The following RGS7 variants were observed in gnomAD, a reference collection of about 807,000 sequenced individuals.
The protein encoded by RGS7 is regulator of G-protein signaling 7.
In RGS7, 27 loss-of-function variants were observed where a neutral mutation model predicts 81.1. The ratio of observed to expected loss-of-function variants is 0.33; its 90% CI spans 0.25 to 0.46. The LOEUF (loss-of-function observed/expected upper bound fraction) is 0.46, where lower values mean the gene tolerates loss of function less well. Ranked by LOEUF, RGS7 falls within the 20% of genes least tolerant of loss-of-function variation. The pLI is 1.00. For synonymous variants in RGS7, 208 were observed against 207.7 expected, an observed-to-expected ratio of 1.00 and a Z score of -0.01; for missense variants, 396 against 607.4, an observed-to-expected ratio of 0.65 and a Z score of 3.66.
chr1:240,948,841 A>AT (rs1239093427), intron 4 of RGS7, among the ~76,000 whole-genome samples: 3 of 149,600 alleles, frequency 2.0e-5, no homozygotes, highest in Non-Finnish European at 4.4e-5. Flanking sequence ...TATAACATAC[A>AT]TATATATTAT....
intron 11 of RGS7, among the ~76,000 whole-genome samples, 170 bp downstream of exon 11, chr1:240,816,147 A>C (rs1216181957): frequency 1.3e-5 from 2 of 152,234 alleles, no homozygotes; most frequent in African/African-American, 4.8e-5. Context: ...TCAAGTAATT[A>C]CAATACTTAA....
intron 2 of RGS7, among the ~76,000 whole-genome samples, chr1:241,248,365 T>C (rs1038801284): frequency 5.4e-5 from 8 of 147,880 alleles, no homozygotes; most frequent in Admixed American, 4.1e-4. Flanking sequence ...TATATATATA[T>C]ACGTATATAT....
chr1:241,248,531 A>G (rs1306665326), intron 2 of RGS7, among the ~76,000 whole-genome samples: 1 of 151,674 alleles, frequency 6.6e-6, no homozygotes, highest in Non-Finnish European at 1.5e-5. Context: ...CTTTTTTAAT[A>G]TTTGGCATCT....
At chr1:240,920,299 G>T (rs1193615579) in intron 6 of RGS7, 12 of 1,394,254 alleles carry the variant, frequency 8.6e-6, no homozygotes, top group Non-Finnish European at 1.2e-5. Context: ...GACAACTTTG[G>T]TCGTGGAGGA....
chr1:240,994,618 G>A (rs1686994866), intron 3 of RGS7, among the ~76,000 whole-genome samples: 1 of 152,010 alleles, frequency 6.6e-6, no homozygotes, highest in African/African-American at 2.4e-5. Context: ...GCAAAGAGGG[G>A]AAGCTTTAAT....
intron 3 of RGS7, among the ~76,000 whole-genome samples, chr1:241,033,600 CT>C (rs995209472): frequency 6.6e-6 from 1 of 151,446 alleles, no homozygotes; most frequent in African/African-American, 2.4e-5. Flanking sequence ...CTTTACTATT[CT>C]TTTTTAGTTT....
At chr1:241,013,623 C>T (rs2059083892) in intron 3 of RGS7, among the ~76,000 whole-genome samples, 1 of 152,190 alleles carries the variant, frequency 6.6e-6, no homozygotes. Flanking sequence ...GAAAGGGCCC[C>T]TCCTCCATTT....
intron 2 of RGS7, among the ~76,000 whole-genome samples, chr1:241,158,519 T>C (rs2069366457): frequency 6.6e-6 from 1 of 152,214 alleles, no homozygotes; most frequent in Non-Finnish European, 1.5e-5. Flanking sequence ...AATATCTGCC[T>C]TAAAACAGAA....
chr1:240,961,167 A>C (rs1238978466), intron 4 of RGS7, among the ~76,000 whole-genome samples: 1 of 152,222 alleles, frequency 6.6e-6, no homozygotes, highest in Non-Finnish European at 1.5e-5. Flanking sequence ...ATTAGAAAAA[A>C]AAAGAGCAAA....
At chr1:240,971,993 A>G (rs1360403147) in intron 4 of RGS7, among the ~76,000 whole-genome samples, 3 of 152,252 alleles carry the variant, frequency 2.0e-5, no homozygotes, top group Non-Finnish European at 2.9e-5. Context: ...AAGAGCATAC[A>G]GAAAAGATCT....
intron 11 of RGS7, among the ~76,000 whole-genome samples, 164 bp downstream of exon 11, chr1:240,816,153 C>G (rs1378381756): frequency 1.3e-5 from 2 of 152,192 alleles, no homozygotes; most frequent in Admixed American, 1.3e-4. Flanking sequence ...AATTACAATA[C>G]TTAAAATTAC....
chr1:241,348,451 T>G (rs904933888), intron 2 of RGS7, among the ~76,000 whole-genome samples: 3 of 152,240 alleles, frequency 2.0e-5, no homozygotes, highest in African/African-American at 7.2e-5. Context: ...GCAACCAGGA[T>G]GCTGATTATT....
intron 2 of RGS7, among the ~76,000 whole-genome samples, chr1:241,123,895 C>A (rs1197663348): frequency 6.6e-6 from 1 of 152,198 alleles, no homozygotes; most frequent in South Asian, 2.1e-4. Context: ...TCCACCCTCA[C>A]CTTAGAAGAG....
rs1214550327 is a variant in RGS7 at position 241,327,165 on chromosome 1, A to AAG, written c.78+28533_78+28534insCT. Among the ~76,000 whole-genome samples, 31 of 128,660 alleles carry AAG rather than the reference A, an allele frequency of 2.4e-4. 2 individuals are homozygous for AAG. The highest frequency in any genetic ancestry group is 5.7e-4 in the South Asian group (2 of 3,532). 84.4% of individuals were successfully genotyped at this position (128,660 alleles called of 152,430 possible). On this transcript the variant is annotated intron_variant, in intron 2 of 18. Transcript: ENST00000440928. ...AAGAAAGGAAAGAAAGAAAGAAAGAAACACACAGACTAAGATCAAGCCATA... is the reference window on the plus strand; with the variant it reads ...AAGAAAGGAAAGAAAGAAAGAAAGAAAGACACACAGACTAAGATCAAGCCATA...
intron 9 of RGS7, among the ~76,000 whole-genome samples, chr1:240,831,268 T>C (rs1056980041): frequency 6.6e-6 from 1 of 152,202 alleles, no homozygotes; most frequent in African/African-American, 2.4e-5. Context: ...TAGGAAATTC[T>C]TGAAGATTAA....
chr1:240,942,215 T>C (rs6697598), intron 4 of RGS7, among the ~76,000 whole-genome samples: 17,187 of 152,086 alleles, frequency 0.11, 2,102 homozygotes, highest in African/African-American at 0.31. Context: ...ACCACAACGA[T>C]TTCAAAAAGT....
At chr1:240,964,835 C>A (rs1355626836) in intron 4 of RGS7, among the ~76,000 whole-genome samples, 1 of 152,098 alleles carries the variant, frequency 6.6e-6, no homozygotes, top group Non-Finnish European at 1.5e-5. Context: ...GACATCAAAT[C>A]TATTTTTTAA....
rs1558144751 is a variant in RGS7 at position 241,163,354 on chromosome 1, T to C, written c.79-64592A>G. Among the ~76,000 whole-genome samples the C allele has an allele frequency of 6.6e-6, 1 of 152,174 alleles. No homozygotes were observed. The highest frequency in any genetic ancestry group is 2.4e-5 in the African/African-American group (1 of 41,436). On this transcript the variant is annotated intron_variant, in intron 2 of 18. Transcript: ENST00000440928. This position sits in a 1 kb window ranked among gnomAD's most constrained non-coding sequence, Gnocchi z 4.6. ...ATCAAAATATCTCAAAACATCCTTC[T>C]CGGACATATTTTGAGATGGATGTTC...
At chr1:240,913,845 T>G (rs1218225913) in intron 6 of RGS7, among the ~76,000 whole-genome samples, 2 of 152,122 alleles carry the variant, frequency 1.3e-5, no homozygotes, top group Non-Finnish European at 2.9e-5. Flanking sequence ...AGAAAAATGT[T>G]ATTTTATCTA....
Sources: allele counts gnomAD v4.1 joint callset (sites outside exome capture counted in the v4.1 genomes callset), GRCh38; gene constraint gnomAD v4.1.1; non-coding constraint Gnocchi (gnomAD v3.1); transcripts MANE v1.5; gene names NCBI Gene and HGNC (gene_info 2026-07-23, HGNC 2026-07-21).